Variants in SLC9B1 observed in about 807,000 individuals in gnomAD.
The protein encoded by SLC9B1 is solute carrier family 9 member B1.
In SLC9B1, 32 loss-of-function variants were observed where a neutral mutation model predicts 51.7. That is an observed-to-expected ratio of 0.62 (90% CI 0.47 to 0.83). The LOEUF is 0.83. Ranked by LOEUF, SLC9B1 falls within the 40% of genes least tolerant of loss-of-function variation. The probability of loss-of-function intolerance (pLI) is 0.00; values close to 1 mark genes in which losing one functional copy is unlikely to be tolerated. For synonymous variants in SLC9B1, 145 were observed against 212.7 expected, an observed-to-expected ratio of 0.68 and a Z score of 2.77; for missense variants, 406 against 613.2, an observed-to-expected ratio of 0.66 and a Z score of 3.57.
intron 3 of SLC9B1, among the ~76,000 whole-genome samples, chr4:102,987,069 T>C (rs1252496304): frequency 6.6e-6 from 1 of 152,190 alleles, no homozygotes; most frequent in East Asian, 1.9e-4. Context: ...GGACCTGTGG[T>C]AAGTAAGACT....
At chr4:102,916,580 T>C (rs1269043204) in intron 7 of SLC9B1, among the ~76,000 whole-genome samples, 8 of 152,172 alleles carry the variant, frequency 5.3e-5, no homozygotes, top group South Asian at 2.1e-4. Context: ...TGTAGACCAA[T>C]TGGACCTATC....
intron 1 of SLC9B1, among the ~76,000 whole-genome samples, chr4:103,015,181 A>T (rs1741254166): frequency 6.6e-6 from 1 of 152,100 alleles, no homozygotes. Context: ...AAAAATCACA[A>T]AGAAAAACAA....
chr4:103,017,537 G>A (rs1438905740), intron 1 of SLC9B1, among the ~76,000 whole-genome samples: 1 of 152,158 alleles, frequency 6.6e-6, no homozygotes, highest in Non-Finnish European at 1.5e-5. Context: ...TCTTGATGAT[G>A]TTCCTGGAAG....
At chr4:102,998,943 T>C (rs1057285891) in intron 1 of SLC9B1, among the ~76,000 whole-genome samples, 1 of 152,184 alleles carries the variant, frequency 6.6e-6, no homozygotes, top group African/African-American at 2.4e-5. Flanking sequence ...TCGTGCAGCC[T>C]TGAACTCCTG....
intron 1 of SLC9B1, among the ~76,000 whole-genome samples, chr4:103,010,082 G>A (rs992635661): frequency 2.0e-5 from 3 of 152,142 alleles, no homozygotes; most frequent in African/African-American, 7.2e-5. Context: ...ATTTTAAACC[G>A]TTTTCGGGTG....
At chr4:102,926,048 C>A (rs920313660) in intron 7 of SLC9B1, among the ~76,000 whole-genome samples, 14 of 152,294 alleles carry the variant, frequency 9.2e-5, no homozygotes, top group Non-Finnish European at 2.1e-4. Context: ...ATTCAACACT[C>A]CTTCATGCTA....
intron 3 of SLC9B1, among the ~76,000 whole-genome samples, chr4:102,957,285 A>G (rs533694791): frequency 6.6e-6 from 1 of 152,342 alleles, no homozygotes; most frequent in African/African-American, 2.4e-5. Context: ...GAAAACTTCA[A>G]AAATGTTATG....
intron 7 of SLC9B1, among the ~76,000 whole-genome samples, chr4:102,925,880 TC>T (rs1736141716): frequency 6.6e-6 from 1 of 151,980 alleles, no homozygotes; most frequent in Admixed American, 6.6e-5. Flanking sequence ...CAGCAGCACA[TC>T]AAAAAGCTTA....
At chr4:102,903,453 T>C (rs1176032457) in intron 11 of SLC9B1, among the ~76,000 whole-genome samples, 15 of 152,226 alleles carry the variant, frequency 9.9e-5, no homozygotes, top group Admixed American at 9.8e-4. Flanking sequence ...AAGAAACAGA[T>C]ACAGTCATAG....
chr4:103,000,524 A>C (rs1033598918), intron 1 of SLC9B1, among the ~76,000 whole-genome samples: 1 of 152,258 alleles, frequency 6.6e-6, no homozygotes, highest in Non-Finnish European at 1.5e-5. Context: ...CAATGAGGGT[A>C]CAGGCATTGG....
chr4:103,003,499 T>C (rs377527828), intron 1 of SLC9B1, among the ~76,000 whole-genome samples: 1 of 152,332 alleles, frequency 6.6e-6, no homozygotes, highest in East Asian at 1.9e-4. Flanking sequence ...TCTTGAAATA[T>C]CTTTGTTGCT....
chr4:102,945,230 T>G lies in SLC9B1; in HGVS notation c.616A>C (p.Ile206Leu), dbSNP rs1473570503. Reference sequence around the variant, plus strand: ...GCCCATTGCCAGGGAAATTTCATAATGAAGTGTGAAAAAACAGCAGCTGCA... The same window carrying G: ...GCCCATTGCCAGGGAAATTTCATAAGGAAGTGTGAAAAAACAGCAGCTGCA... ...ASAAAVFSHF[I>L]MKFPWQWAFL... The change falls in exon 6 of 12, where the codon ATT (isoleucine) becomes CTT (leucine). Residue 206 changes from isoleucine (I) to leucine (L), a missense_variant. Ile to Leu is a conservative substitution (Grantham distance 5, BLOSUM62 2). Around this residue, in one of 6 missense-constraint regions of SLC9B1, gnomAD observed 250 missense variants for 394.1 expected, o/e 0.63. Coordinates refer to ENST00000296422, the MANE Select transcript of SLC9B1 (RefSeq NM_139173.4). The G allele has an allele frequency of 6.2e-7, 1 of 1,608,902 alleles. No individual in the cohort carries two copies. Among genetic ancestry groups the G allele is most frequent in the Non-Finnish European group, 8.5e-7 (1 of 1,176,476 alleles).
intron 3 of SLC9B1, among the ~76,000 whole-genome samples, chr4:102,985,471 A>C (rs1252696080): frequency 6.6e-6 from 1 of 151,850 alleles, no homozygotes; most frequent in Non-Finnish European, 1.5e-5. Flanking sequence ...CTTCTTTATA[A>C]ATTTTTGTAA....
intron 1 of SLC9B1, among the ~76,000 whole-genome samples, chr4:103,017,190 C>A (rs192581413): frequency 7.6e-4 from 115 of 152,186 alleles, no homozygotes; most frequent in African/African-American, 2.7e-3. Context: ...GGCTCTGCCC[C>A]CAAAATAGAG....
At chr4:102,911,308 G>A in intron 8 of SLC9B1, 123 bp downstream of exon 8, 1 of 640,866 alleles carries the variant, frequency 1.6e-6, no homozygotes, top group Admixed American at 2.8e-5. Context: ...GTACAGAGTA[G>A]GCATTGGAGG....
intron 11 of SLC9B1, among the ~76,000 whole-genome samples, chr4:102,905,310 T>C (rs1213684215): frequency 6.6e-6 from 1 of 152,108 alleles, no homozygotes; most frequent in Non-Finnish European, 1.5e-5. Flanking sequence ...AACCTCCGCC[T>C]CCTGGGTTCA....
intron 1 of SLC9B1, among the ~76,000 whole-genome samples, chr4:103,003,597 C>A (rs1209524774): frequency 1.3e-5 from 2 of 152,212 alleles, no homozygotes; most frequent in Non-Finnish European, 2.9e-5. Context: ...GACACACATG[C>A]ACCCTTTTGC....
At chr4:102,972,991 T>A (rs552191032) in intron 3 of SLC9B1, among the ~76,000 whole-genome samples, 2 of 152,244 alleles carry the variant, frequency 1.3e-5, no homozygotes, top group Admixed American at 6.5e-5. Context: ...CATACAACTT[T>A]TAAACAAATA....
At chr4:102,966,894 G>C (rs1249871204) in intron 3 of SLC9B1, among the ~76,000 whole-genome samples, 1 of 152,110 alleles carries the variant, frequency 6.6e-6, no homozygotes, top group Non-Finnish European at 1.5e-5. Context: ...ACTGAATGTA[G>C]TAAGAAGTAA....
Sources: allele counts gnomAD v4.1 joint callset (sites outside exome capture counted in the v4.1 genomes callset), GRCh38; gene constraint gnomAD v4.1.1; regional missense constraint gnomAD v4.1.1; transcripts MANE v1.5; gene names NCBI Gene and HGNC (gene_info 2026-07-23, HGNC 2026-07-21).